Variants in GREB1L observed in about 807,000 individuals in gnomAD.
GREB1L encodes the protein GREB1 like retinoic acid receptor coactivator.
In GREB1L, 17 loss-of-function variants were observed where a neutral mutation model predicts 200.8. That is an observed-to-expected ratio of 0.08 (90% CI 0.06 to 0.13). GREB1L has a LOEUF of 0.13. Ranked by LOEUF, GREB1L falls within the 10% of genes least tolerant of loss-of-function variation. The pLI is 1.00. For missense variants in GREB1L, 1,657 were observed against 2,367.7 expected, an observed-to-expected ratio of 0.70 and a Z score of 6.23; for synonymous variants, 789 against 893.0, an observed-to-expected ratio of 0.88 and a Z score of 2.08.
intron 1 of GREB1L, among the ~76,000 whole-genome samples, chr18:21,247,232 C>T (rs1281343308): frequency 6.6e-6 from 1 of 151,778 alleles, no homozygotes; most frequent in Non-Finnish European, 1.5e-5. Context: ...TACCACCCCA[C>T]CCTTCAGTGC....
intron 4 of GREB1L, among the ~76,000 whole-genome samples, chr18:21,386,385 G>A (rs1392381796): frequency 1.3e-5 from 2 of 152,052 alleles, no homozygotes; most frequent in African/African-American, 4.8e-5. Flanking sequence ...TCCACCTCCC[G>A]GGTTCAAGCA....
chr18:21,271,874 G>C (rs2144291515), intron 1 of GREB1L, among the ~76,000 whole-genome samples: 1 of 152,188 alleles, frequency 6.6e-6, no homozygotes, highest in Non-Finnish European at 1.5e-5. Flanking sequence ...CCTCACTACA[G>C]GGGAGGCTAA....
intron 1 of GREB1L, among the ~76,000 whole-genome samples, chr18:21,365,150 A>G (rs2039648652): frequency 1.3e-5 from 2 of 152,160 alleles, no homozygotes; most frequent in South Asian, 4.1e-4. Context: ...AGAGAAAAGT[A>G]AAATGAAAAA....
chr18:21,364,402 TC>T (rs1163364672), intron 1 of GREB1L, among the ~76,000 whole-genome samples: 3 of 151,968 alleles, frequency 2.0e-5, no homozygotes, highest in Middle Eastern at 3.4e-3. Flanking sequence ...TAATACAAAG[TC>T]CCTCCTGTGA....
chr18:21,285,319 G>A (rs2144509230), intron 1 of GREB1L, among the ~76,000 whole-genome samples: 1 of 152,170 alleles, frequency 6.6e-6, no homozygotes, highest in African/African-American at 2.4e-5. Context: ...CTAATCCAAG[G>A]TCATGGAGAT....
intron 15 of GREB1L, among the ~76,000 whole-genome samples, chr18:21,470,386 A>T (rs1266428631): frequency 6.6e-6 from 1 of 152,172 alleles, no homozygotes; most frequent in Non-Finnish European, 1.5e-5. Flanking sequence ...ATATAGCTCT[A>T]TTTAGATCAT....
At chr18:21,310,727 T>C (rs2038777068) in intron 1 of GREB1L, among the ~76,000 whole-genome samples, 1 of 152,244 alleles carries the variant, frequency 6.6e-6, no homozygotes, top group African/African-American at 2.4e-5. Flanking sequence ...ATTTTATTGA[T>C]TTCATATTCT....
intron 15 of GREB1L, among the ~76,000 whole-genome samples, chr18:21,471,620 C>CTTTTTTTTTTTTT (rs77038675): frequency 7.0e-6 from 1 of 142,350 alleles, no homozygotes; most frequent in Non-Finnish European, 1.5e-5. Flanking sequence ...TCTTTTGTTT[C>CTTTTTTTTTTTTT]TTTTTTTTTT....
rs372787862 is a variant in GREB1L, at chr18:21,394,972, C to T, written c.356-413C>T. Among the ~76,000 whole-genome samples, 97 of 146,500 alleles carry T rather than the reference C, an allele frequency of 6.6e-4. No individual in the cohort carries two copies. In the Middle Eastern group the frequency reaches 0.014, roughly 21 times the overall value. On this transcript the variant is annotated intron_variant, in intron 4 of 32. Coordinates refer to ENST00000424526, the MANE Select transcript of GREB1L (RefSeq NM_001142966.3). ...AAAAAAAATTAGCCGGGTGTGGTGG[C>T]GCACACGCCTGTAATCTCAGCTACT...
intron 5 of GREB1L, among the ~76,000 whole-genome samples, chr18:21,397,541 A>AATAAT (rs1555637996): frequency 2.4e-5 from 3 of 126,116 alleles, no homozygotes; most frequent in African/African-American, 1.0e-4. Flanking sequence ...AAAAAAAAAA[A>AATAAT]AATAATAATA....
intron 1 of GREB1L, among the ~76,000 whole-genome samples, chr18:21,335,962 C>T (rs1380954174): frequency 2.6e-5 from 4 of 151,956 alleles, no homozygotes; most frequent in Non-Finnish European, 2.9e-5. Flanking sequence ...TGCACCCGGC[C>T]GTGTTTTGCA....
intron 5 of GREB1L, among the ~76,000 whole-genome samples, chr18:21,397,535 A>AT (rs1202707327): frequency 0.013 from 1,826 of 137,038 alleles, 18 homozygotes; most frequent in African/African-American, 0.019. Context: ...AAAAAAAAAA[A>AT]AAAAAAAATA....
In GREB1L at chr18:21,384,253, T is replaced by C; in HGVS notation, c.205T>C (p.Tyr69His). The change falls in exon 4 of 33, where the codon TAC (tyrosine) becomes CAC (histidine). Residue 69 changes from tyrosine to histidine, a missense_variant. This residue lies in a region of GREB1L where 121 missense variants were observed against 126.6 expected (regional missense o/e 0.96). Coordinates refer to ENST00000424526, the MANE Select transcript of GREB1L (RefSeq NM_001142966.3). ...EDLDKDLVNRYTQNGSLDFSN... is the reference protein window; with the variant it reads ...EDLDKDLVNRHTQNGSLDFSN... ...TCTGGACAAAGATTTGGTAAACCGC[T>C]ACACTCAAAATGGAAGTCTGGATTT... 1.3e-6 allele frequency: 2 copies of C among 1,551,484 alleles called. No homozygotes were observed. Among genetic ancestry groups the C allele is most frequent in the Non-Finnish European group, 1.7e-6 (2 of 1,146,800 alleles).
Position 21,444,243 on chromosome 18 carries a change from T to C in GREB1L, c.1227T>C (p.Tyr409=). 1 of 1,551,304 alleles carries C rather than the reference T, an allele frequency of 6.4e-7. No individual in the cohort carries two copies. Among genetic ancestry groups the C allele is most frequent in the Non-Finnish European group, 8.7e-7 (1 of 1,146,596 alleles). The change falls in exon 11 of 33, where the codon TAT becomes TAC. Residue 409 remains tyrosine, a synonymous_variant. Transcript: ENST00000424526. ...VILIGYGTLP[Y]FYGNVGDIVV... ...GGACAGGCTATGGCACTTTACCCTA[T>C]TTCTATGGAAATGTTGGTGACATTG...
At position 21,512,544 on chromosome 18, in the gene GREB1L, T is replaced by G. The variant is rs574979151; in HGVS notation, c.4736-1277T>G. On this transcript the variant is annotated intron_variant, in intron 27 of 32. Coordinates refer to ENST00000424526, the MANE Select transcript of GREB1L (RefSeq NM_001142966.3). ...CTGCATCTTTGCTGGATTCACATAT[T>G]CATTCTAAAGGGGATTTTTGGTGGA... Among the ~76,000 whole-genome samples, 7 of 152,364 alleles carry G rather than the reference T, an allele frequency of 4.6e-5. No individual in the cohort carries two copies. The South Asian group carries it at 1.2e-3, about 27-fold the overall frequency.
At chr18:21,486,067 G>A (rs1000667756) in intron 18 of GREB1L, among the ~76,000 whole-genome samples, 8 of 152,110 alleles carry the variant, frequency 5.3e-5, no homozygotes, top group African/African-American at 1.7e-4. Flanking sequence ...TTCAAGACCC[G>A]CTTCTGGCTG....
intron 1 of GREB1L, among the ~76,000 whole-genome samples, chr18:21,247,596 A>G (rs1171533221): frequency 1.3e-5 from 2 of 152,162 alleles, no homozygotes; most frequent in Non-Finnish European, 2.9e-5. Context: ...TTGTGTGCTT[A>G]GGAGACTTTC....
At chr18:21,446,441 A>G (rs1422058089) in intron 11 of GREB1L, among the ~76,000 whole-genome samples, 4 of 151,552 alleles carry the variant, frequency 2.6e-5, no homozygotes, top group Non-Finnish European at 5.9e-5. Flanking sequence ...TTTGTAAAGA[A>G]AAAGAAAAGA....
chr18:21,299,075 C>T (rs566471155), intron 1 of GREB1L, among the ~76,000 whole-genome samples: 3 of 151,876 alleles, frequency 2.0e-5, no homozygotes, highest in East Asian at 2.0e-4. Flanking sequence ...GTCAGGAGTT[C>T]GAGACCAGCC....
Sources: gnomAD v4.1 joint callset for allele counts (sites outside exome capture counted in the v4.1 genomes callset) on GRCh38, gnomAD v4.1.1 for gene constraint, gnomAD v4.1.1 regional missense constraint, MANE v1.5 for transcripts, NCBI Gene and HGNC (gene_info 2026-07-23, HGNC 2026-07-21) for gene names.